The following TPP2 variants were observed in gnomAD, a reference collection of about 807,000 sequenced individuals.
TPP2 encodes the protein tripeptidyl-peptidase 2.
A neutral mutation model predicts 155.9 loss-of-function variants in TPP2; 34 were observed. The ratio of observed to expected loss-of-function variants is 0.22; its 90% CI spans 0.17 to 0.29. TPP2 has a LOEUF of 0.29. TPP2 is among the 10% of genes least tolerant of loss of function. The pLI is 1.00. For synonymous variants in TPP2, 510 were observed against 529.4 expected (o/e 0.96, Z 0.50); for missense variants, 1,028 against 1,522.3 (o/e 0.68, Z 5.40).
chr13:102,649,012 C>T lies in TPP2; in HGVS notation c.2734C>T (p.His912Tyr). 1.2e-6 allele frequency: 2 copies of T among 1,613,906 alleles called. No homozygotes were observed. Among genetic ancestry groups the T allele is most frequent in the South Asian group, 1.1e-5 (1 of 91,048 alleles). Reference sequence around the variant, plus strand: ...TAAAGACCTTCCATTTATTGTTTCTCATAGATTGTCTAATACCTTGAGCTT... The same window carrying T: ...TAAAGACCTTCCATTTATTGTTTCTTATAGATTGTCTAATACCTTGAGCTT... ...RLKDLPFIVS[H>Y]RLSNTLSLDI... is the part of the protein sequence containing the mutation. The change falls in exon 22 of 30, where the codon CAT becomes TAT. Residue 912 changes from histidine (H) to tyrosine (Y), a missense_variant. Physicochemically the swap from His to Tyr is moderately conservative, Grantham distance 83. Around this residue, in one of 7 missense-constraint regions of TPP2, gnomAD observed 179 missense variants for 274.7 expected, o/e 0.65. Transcript: ENST00000376052.
Position 102,646,349 on chromosome 13 carries a change from C to G in TPP2, c.2449C>G (p.Arg817Gly). The G allele has an allele frequency of 1.2e-6, 2 of 1,612,966 alleles. No homozygotes were observed. Among genetic ancestry groups the G allele is most frequent in the Non-Finnish European group, 1.7e-6 (2 of 1,179,546 alleles). ...LGSRDVLPNN[R>G]QLYEMVLTYN... Reference sequence around the variant, plus strand: ...ATCAAGAGATGTTTTGCCAAATAACCGTCAACTTTATGAGATGGTCCTGAC... The same window carrying G: ...ATCAAGAGATGTTTTGCCAAATAACGGTCAACTTTATGAGATGGTCCTGAC... The change falls in exon 20 of 30, where the codon CGT becomes GGT. Residue 817 changes from arginine (R) to glycine (G), a missense_variant. Arg to Gly is a moderately radical substitution (Grantham distance 125). Transcript: ENST00000376052.
Position 102,638,928 on chromosome 13 carries a change from G to A in TPP2, c.1913+613G>A, listed in dbSNP as rs925956814. Among the ~76,000 whole-genome samples the A allele has an allele frequency of 7.2e-5, 11 of 152,236 alleles. 1 individual carries two copies. In the East Asian group the frequency reaches 1.2e-3, roughly 16 times the overall value. On this transcript the variant is annotated intron_variant, in intron 15 of 29. Coordinates refer to ENST00000376052, the MANE Select transcript of TPP2 (RefSeq NM_001330588.2). ...CCTAGCCAGTGTTTCCTGTCATTCCGTACACCAAATTACACATTTTGGCCA... is the reference window on the plus strand; with the variant it reads ...CCTAGCCAGTGTTTCCTGTCATTCCATACACCAAATTACACATTTTGGCCA...
At chr13:102,612,693 A>G (rs964780916) in intron 2 of TPP2, among the ~76,000 whole-genome samples, 5 of 152,336 alleles carry the variant, frequency 3.3e-5, no homozygotes, top group African/African-American at 1.2e-4. Context: ...GGTAAGGAAG[A>G]TACATAGTTG....
At chr13:102,642,197 C>T (rs978169308) in intron 16 of TPP2, among the ~76,000 whole-genome samples, 2 of 152,152 alleles carry the variant, frequency 1.3e-5, no homozygotes, top group Non-Finnish European at 2.9e-5. Flanking sequence ...GTTGGGATTA[C>T]GCTCACACTT....
intron 27 of TPP2, among the ~76,000 whole-genome samples, chr13:102,672,416 G>GT (rs1180987954): frequency 2.0e-5 from 3 of 152,144 alleles, no homozygotes; most frequent in African/African-American, 4.8e-5. Flanking sequence ...ACATTCCATT[G>GT]TTATCTGCCG....
At chr13:102,675,693 G>A (rs1041306080) in intron 28 of TPP2, among the ~76,000 whole-genome samples, 2 of 152,102 alleles carry the variant, frequency 1.3e-5, no homozygotes, top group African/African-American at 4.8e-5. Context: ...TACTATATTA[G>A]GGGCTATGCA....
At chr13:102,597,395 G>A (rs551679665) in intron 1 of TPP2, among the ~76,000 whole-genome samples, 192 bp downstream of exon 1, 45 of 152,294 alleles carry the variant, frequency 3.0e-4, no homozygotes, top group African/African-American at 1.0e-3. Flanking sequence ...GGGACTCAAC[G>A]GCGCACAGTG....
chr13:102,673,266 C>G (rs909120080), intron 27 of TPP2, among the ~76,000 whole-genome samples: 1 of 152,156 alleles, frequency 6.6e-6, no homozygotes, highest in Non-Finnish European at 1.5e-5. Flanking sequence ...TACTGCGGAT[C>G]CTTGTTGATG....
intron 9 of TPP2, among the ~76,000 whole-genome samples, 172 bp downstream of exon 9, chr13:102,629,781 A>G (rs1881892170): frequency 6.6e-6 from 1 of 152,242 alleles, no homozygotes; most frequent in Non-Finnish European, 1.5e-5. Context: ...ACTGACCGTA[A>G]TTTAAAGTGG....
At chr13:102,638,458 T>C in intron 15 of TPP2, 143 bp downstream of exon 15, 1 of 872,494 alleles carries the variant, frequency 1.1e-6, no homozygotes. Context: ...CTAGCATTTT[T>C]AGGTGTCATG....
chr13:102,629,275 C>T (rs674197), intron 8 of TPP2, among the ~76,000 whole-genome samples: 74,610 of 151,618 alleles, frequency 0.49, 18,717 homozygotes, highest in African/African-American at 0.6. Context: ...GCACCTAGCA[C>T]TTTCCCCACG....
chr13:102,647,493 G>C (rs1381771648), intron 21 of TPP2, 149 bp downstream of exon 21: 4 of 945,634 alleles, frequency 4.2e-6, no homozygotes, highest in Non-Finnish European at 6.0e-6. Context: ...GTGAGAGCCT[G>C]TTTGTTGTAG....
rs372921896 is a variant in TPP2 at position 102,622,836 on chromosome 13, G to A, written c.621-41G>A. 6 of 1,571,926 alleles carry A rather than the reference G, an allele frequency of 3.8e-6. No individual in the cohort carries two copies. In the African/African-American group the frequency reaches 8.3e-5, roughly 22 times the overall value. On this transcript the variant is annotated intron_variant, in intron 5 of 29. Transcript: ENST00000376052. ...TGTTACATGATTTTTAGAAAGGTAAGAAAATAAATTTTACTGTCTCCATTT... is the reference window on the plus strand; with the variant it reads ...TGTTACATGATTTTTAGAAAGGTAAAAAAATAAATTTTACTGTCTCCATTT...
At chr13:102,618,099 T>A (rs1257009309) in intron 4 of TPP2, among the ~76,000 whole-genome samples, 1 of 152,196 alleles carries the variant, frequency 6.6e-6, no homozygotes, top group East Asian at 1.9e-4. Flanking sequence ...TAGAGAAATG[T>A]TTTGGAGAGG....
At chr13:102,672,689 A>G (rs1266314563) in intron 27 of TPP2, among the ~76,000 whole-genome samples, 1 of 152,198 alleles carries the variant, frequency 6.6e-6, no homozygotes, top group African/African-American at 2.4e-5. Context: ...GGCATAAGCA[A>G]AGGACTGCTG....
intron 23 of TPP2, among the ~76,000 whole-genome samples, chr13:102,650,971 T>G (rs1883446376): frequency 6.6e-6 from 1 of 152,210 alleles, no homozygotes; most frequent in Admixed American, 6.5e-5. Flanking sequence ...TCACTTCACT[T>G]TGACTTTCAC....
At chr13:102,661,400 G>A (rs867589281) in intron 25 of TPP2, among the ~76,000 whole-genome samples, 5 of 151,668 alleles carry the variant, frequency 3.3e-5, no homozygotes, top group African/African-American at 4.8e-5. Flanking sequence ...ACAAGTGCAC[G>A]CCACCACCCC....
At chr13:102,617,399 A>G (rs138690138) in intron 4 of TPP2, among the ~76,000 whole-genome samples, 167 of 152,282 alleles carry the variant, frequency 1.1e-3, no homozygotes, top group African/African-American at 3.8e-3. Context: ...AGTCACCTGA[A>G]TTATTTTAAA....
intron 1 of TPP2, among the ~76,000 whole-genome samples, chr13:102,602,826 CTG>C (rs1399046464): frequency 1.8e-4 from 27 of 152,176 alleles, no homozygotes; most frequent in African/African-American, 6.5e-4. Flanking sequence ...AGTCTGAAGA[CTG>C]TGCTCTTCCA....
Sources: allele counts gnomAD v4.1 joint callset (sites outside exome capture counted in the v4.1 genomes callset), GRCh38; gene constraint gnomAD v4.1.1; regional missense constraint gnomAD v4.1.1; transcripts MANE v1.5; gene names NCBI Gene and HGNC (gene_info 2026-07-23, HGNC 2026-07-21).